Variants in SRRM4 observed in about 807,000 individuals in gnomAD.
SRRM4 encodes serine/arginine repetitive matrix protein 4.
A neutral mutation model predicts 68.9 loss-of-function variants in SRRM4; 33 were observed. The ratio of observed to expected loss-of-function variants is 0.48; its 90% CI spans 0.36 to 0.64. The LOEUF (loss-of-function observed/expected upper bound fraction) is 0.64. Ranked by LOEUF, SRRM4 falls within the 30% of genes least tolerant of loss-of-function variation. The probability of loss-of-function intolerance (pLI) is 0.00; values close to 1 mark genes in which losing one functional copy is unlikely to be tolerated. For synonymous variants in SRRM4, 318 were observed against 318.8 expected, an observed-to-expected ratio of 1.00 and a Z score of 0.03; for missense variants, 817 against 827.1, an observed-to-expected ratio of 0.99 and a Z score of 0.15.
At chr12:119,088,605 G>C (rs1370122562) in intron 1 of SRRM4, among the ~76,000 whole-genome samples, 2 of 151,416 alleles carry the variant, frequency 1.3e-5, no homozygotes, top group Non-Finnish European at 2.9e-5. Context: ...CACCAGTGAT[G>C]TCTTGGAGGG....
intron 3 of SRRM4, among the ~76,000 whole-genome samples, chr12:119,115,111 T>C (rs1042672056): frequency 1.3e-5 from 2 of 151,926 alleles, no homozygotes; most frequent in Non-Finnish European, 2.9e-5. Context: ...ATTTTAGAGA[T>C]GAGAAAATAA....
rs1344760136 is a variant in SRRM4 at position 118,996,551 on chromosome 12, C to T, written c.131+14538C>T. Among the ~76,000 whole-genome samples the T allele has an allele frequency of 3.3e-5, 5 of 152,212 alleles. No homozygotes were observed. In the East Asian group the frequency reaches 9.6e-4, roughly 29 times the overall value. On this transcript the variant is annotated intron_variant, in intron 1 of 12. Transcript: ENST00000267260. Reference sequence around the variant, plus strand: ...ATTAAGGCCAAGGCAGGTAAAGTGACTTGCCCAAGGTCATGCAAGTTAATA... The same window carrying T: ...ATTAAGGCCAAGGCAGGTAAAGTGATTTGCCCAAGGTCATGCAAGTTAATA...
At chr12:119,120,484 T>G (rs1177619028) in intron 5 of SRRM4, among the ~76,000 whole-genome samples, 3 of 151,780 alleles carry the variant, frequency 2.0e-5, no homozygotes, top group African/African-American at 7.3e-5. Context: ...GGCCAGGGGG[T>G]TGATCTTGGA....
chr12:119,014,285 G>T (rs1953468036), intron 1 of SRRM4, among the ~76,000 whole-genome samples: 1 of 151,928 alleles, frequency 6.6e-6, no homozygotes, highest in African/African-American at 2.4e-5. Context: ...CTTTCTGTTT[G>T]TTTCCGATGA....
chr12:119,059,746 C>T (rs146607882), intron 1 of SRRM4, among the ~76,000 whole-genome samples: 6 of 152,324 alleles, frequency 3.9e-5, no homozygotes, highest in African/African-American at 4.8e-5. Flanking sequence ...CATGTCGCTG[C>T]TACCCTGGCT....
chr12:119,038,849 A>T (rs759029422), intron 1 of SRRM4, among the ~76,000 whole-genome samples: 2 of 152,052 alleles, frequency 1.3e-5, no homozygotes, highest in Non-Finnish European at 2.9e-5. Flanking sequence ...ATCCTCCCTC[A>T]CTGTTCCTCA....
At chr12:118,985,626 T>C (rs1012985174) in intron 1 of SRRM4, among the ~76,000 whole-genome samples, 2 of 152,194 alleles carry the variant, frequency 1.3e-5, no homozygotes, top group East Asian at 3.8e-4. Flanking sequence ...ATCGATAAGA[T>C]ATATGAATCT....
chr12:119,133,421 G>T (rs889963170), intron 8 of SRRM4, among the ~76,000 whole-genome samples: 2 of 152,252 alleles, frequency 1.3e-5, no homozygotes, highest in African/African-American at 4.8e-5. Flanking sequence ...CCAGGCATAG[G>T]CTGGGCTGGG....
chr12:119,150,175 G>C (rs1297352102), intron 9 of SRRM4, among the ~76,000 whole-genome samples: 2 of 152,116 alleles, frequency 1.3e-5, no homozygotes, highest in Non-Finnish European at 2.9e-5. Flanking sequence ...TAGAAAATTA[G>C]AATCAAATGT....
At chr12:119,136,062 C>G (rs1191903857) in intron 8 of SRRM4, among the ~76,000 whole-genome samples, 1 of 152,198 alleles carries the variant, frequency 6.6e-6, no homozygotes, top group Admixed American at 6.5e-5. Flanking sequence ...ACATAACCCT[C>G]AAAGTATCCT....
At chr12:119,149,726 GAT>G (rs1434310462) in intron 9 of SRRM4, among the ~76,000 whole-genome samples, 1 of 152,174 alleles carries the variant, frequency 6.6e-6, no homozygotes, top group Admixed American at 6.5e-5. Flanking sequence ...AGAGAATAGG[GAT>G]ATTTCAGGAG....
At chr12:119,006,848 T>C (rs1385047164) in intron 1 of SRRM4, among the ~76,000 whole-genome samples, 2 of 152,164 alleles carry the variant, frequency 1.3e-5, no homozygotes, top group African/African-American at 2.4e-5. Flanking sequence ...ATGGGCATGG[T>C]GGTGGGTTGA....
chr12:119,002,843 C>A (rs1326070756), intron 1 of SRRM4, among the ~76,000 whole-genome samples: 2 of 152,090 alleles, frequency 1.3e-5, no homozygotes, highest in African/African-American at 4.8e-5. Context: ...AAAGGCCATG[C>A]TGGACAGGAG....
intron 1 of SRRM4, among the ~76,000 whole-genome samples, chr12:118,987,500 C>T (rs1953290065): frequency 6.6e-6 from 1 of 152,186 alleles, no homozygotes; most frequent in African/African-American, 2.4e-5. Context: ...CTGTTTGAAA[C>T]ATTTGATGGA....
At chr12:119,143,902 T>C (rs1954383831) in intron 8 of SRRM4, among the ~76,000 whole-genome samples, 1 of 152,138 alleles carries the variant, frequency 6.6e-6, no homozygotes, top group African/African-American at 2.4e-5. Context: ...TGGTTATCTC[T>C]GGAGAAGGCC....
intron 9 of SRRM4, among the ~76,000 whole-genome samples, chr12:119,150,085 GTAC>G (rs1337965430): frequency 6.6e-6 from 1 of 152,092 alleles, no homozygotes; most frequent in Non-Finnish European, 1.5e-5. Context: ...CCATATCCAT[GTAC>G]TACTGATATT....
chr12:119,116,414 C>A (rs1954180156), intron 3 of SRRM4, among the ~76,000 whole-genome samples: 1 of 152,128 alleles, frequency 6.6e-6, no homozygotes, highest in Admixed American at 6.6e-5. Flanking sequence ...AAGGATGGGG[C>A]AAAGGAGAAA....
At position 118,981,899 on chromosome 12, in the gene SRRM4, A is replaced by T. The variant is rs369614114; in HGVS notation, c.17A>T (p.Gln6Leu). The change falls in exon 1 of 13, where the codon CAA (glutamine) becomes CTA (leucine). Residue 6 changes from glutamine to leucine, a missense_variant. Transcript: ENST00000267260. ...GGGTTGGCGATGGCGAGCGTTCAGC[A>T]AGGCGAGAAGCAGCTTTTTGAGAAG... Reference protein sequence around the residue: MASVQQGEKQLFEKFW... With the variant: MASVQLGEKQLFEKFW... The T allele has an allele frequency of 1.2e-6, 2 of 1,613,552 alleles. No individual in the cohort carries two copies. Among genetic ancestry groups the T allele is most frequent in the Non-Finnish European group, 8.5e-7 (1 of 1,179,800 alleles).
chr12:118,990,339 C>T (rs544611983), intron 1 of SRRM4, among the ~76,000 whole-genome samples: 10 of 152,224 alleles, frequency 6.6e-5, no homozygotes, highest in East Asian at 1.9e-4. Flanking sequence ...CCTTTGCGTC[C>T]GGAGGTTCTT....
Sources: gnomAD v4.1 joint callset for allele counts (sites outside exome capture counted in the v4.1 genomes callset) on GRCh38, gnomAD v4.1.1 for gene constraint, MANE v1.5 for transcripts, NCBI Gene and HGNC (gene_info 2026-07-23, HGNC 2026-07-21) for gene names.